KHSRP: variants seen among roughly 807,000 people sequenced by gnomAD.
The protein encoded by KHSRP is far upstream element-binding protein 2.
In KHSRP, 13 loss-of-function variants were observed where a neutral mutation model predicts 94.9. That is an observed-to-expected ratio of 0.14 (90% CI 0.09 to 0.22). The LOEUF (loss-of-function observed/expected upper bound fraction) is 0.22. KHSRP is among the 10% of genes least tolerant of loss of function. KHSRP has a pLI of 1.00. For missense variants in KHSRP, 710 were observed against 1,010.0 expected (o/e 0.70, Z 4.03); for synonymous variants, 495 against 401.4 (o/e 1.23, Z -2.79).
At chr19:6,419,907 C>T (rs1475978579) in intron 6 of KHSRP, among the ~76,000 whole-genome samples, 166 bp downstream of exon 6, 1 of 152,234 alleles carries the variant, frequency 6.6e-6, no homozygotes, top group Non-Finnish European at 1.5e-5. Context: ...GCCCCGTGGG[C>T]AGTACTAGTG....
chr19:6,415,168 C>T lies in KHSRP; in HGVS notation c.2100G>A (p.Pro700=), dbSNP rs377503940. ...GCTGCTGTCCCTGCTGCGTGGGCGGCGGCTGGGGGCCGCCAGGACCTGGGG... is the reference window on the plus strand; with the variant it reads ...GCTGCTGTCCCTGCTGCGTGGGCGGTGGCTGGGGGCCGCCAGGACCTGGGG... ...GQTPGPGGPQ[P]PPTQQGQQQA... Residue 700 remains proline, a synonymous_variant, in exon 19 of 19, where the codon CCG becomes CCA. Transcript: ENST00000600480. The T allele has an allele frequency of 6.7e-5, 107 of 1,607,186 alleles. No individual in the cohort carries two copies. The African/African-American group carries it at 8.8e-4, about 13-fold the overall frequency.
At position 6,422,368 on chromosome 19, in the gene KHSRP, C is replaced by G. The variant is rs1218639047; in HGVS notation, c.318G>C (p.Gly106=). ...VNNSTPDFGF[G]GQKRQLEDGD... ...CATCTTCCAACTGTCTCTTTTGGCC[C>G]CCAAAACCAAAATCAGGAGTGCTGT... The change falls in exon 2 of 19, where the codon GGG becomes GGC. Residue 106 remains glycine (G), a synonymous_variant. Transcript: ENST00000600480. 6.2e-7 allele frequency: 1 copy of G among 1,613,774 alleles called. No homozygotes were observed. Among genetic ancestry groups the G allele is most frequent in the South Asian group, 1.1e-5 (1 of 91,074 alleles).
chr19:6,416,833 C>T lies in KHSRP; in HGVS notation c.1232G>A (p.Arg411Gln), dbSNP rs1159276479. Residue 411 changes from arginine to glutamine, a missense_variant, in exon 13 of 19, where the codon CGA (arginine) becomes CAA (glutamine). Coordinates refer to ENST00000600480, the MANE Select transcript of KHSRP (RefSeq NM_001366299.1). Reference sequence around the variant, plus strand: ...ATTGCCTTGGCCTCTTCCTCGGCCTCGGCCCCCCGGGGGCATGCCTGGACC... The same window carrying T: ...ATTGCCTTGGCCTCTTCCTCGGCCTTGGCCCCCCGGGGGCATGCCTGGACC... ...PGGPGMPPGGRGRGRGQGNWG... is the reference protein window; with the variant it reads ...PGGPGMPPGGQGRGRGQGNWG... The T allele has an allele frequency of 3.1e-6, 5 of 1,588,910 alleles. No homozygotes were observed. Among genetic ancestry groups the T allele is most frequent in the African/African-American group, 1.4e-5 (1 of 73,740 alleles).
chr19:6,418,181 G>C lies in KHSRP; in HGVS notation c.880-102C>G, dbSNP rs1267628930. Reference sequence around the variant, plus strand: ...CCTCAACTAAGGACCCACGAACCCTGGGTGAGCCCAGCACAGCACCCTACT... The same window carrying C: ...CCTCAACTAAGGACCCACGAACCCTCGGTGAGCCCAGCACAGCACCCTACT... On this transcript the variant is annotated intron_variant, in intron 9 of 18. Transcript: ENST00000600480. This position sits in a 1 kb window ranked among gnomAD's most constrained non-coding sequence, Gnocchi z 4.3. 2 of 992,760 alleles carry C rather than the reference G, an allele frequency of 2.0e-6. No homozygotes were observed. The highest frequency in any genetic ancestry group is 2.0e-5 in the Admixed American group (1 of 50,278). The allele number at this position is 992,760 out of a possible 1,614,324, so 61.5% of individuals were successfully genotyped here.
rs2092139560 is a variant in KHSRP at position 6,415,720 on chromosome 19, C to T, written c.1702G>A (p.Ala568Thr). The T allele has an allele frequency of 6.5e-7, 1 of 1,549,912 alleles. No individual in the cohort carries two copies. Among genetic ancestry groups the T allele is most frequent in the East Asian group, 2.4e-5 (1 of 40,922 alleles). ...APHDPSKAAA[A>T]AADPNAAWAA... The stretch of plus-strand genomic sequence containing the variant: ...CACGCGGCGTTGGGGTCCGCGGCCG[C>T]TGCAGCTGCTTTGCCTGCAGGAGAT... The change falls in exon 17 of 19, where the codon GCG (alanine) becomes ACG (threonine). Residue 568 changes from alanine (A) to threonine (T), a missense_variant. By Grantham distance (58) the Ala-to-Thr change is moderately conservative. This residue lies in a region of KHSRP where 292 missense variants were observed against 340.5 expected (regional missense o/e 0.86). Transcript: ENST00000600480.
In KHSRP at chr19:6,424,390, C is replaced by T. The variant is rs1304266278; in HGVS notation, c.249+63G>A. On this transcript the variant is annotated intron_variant, in intron 1 of 18. Coordinates refer to ENST00000600480, the MANE Select transcript of KHSRP (RefSeq NM_001366299.1). The stretch of plus-strand genomic sequence containing the variant: ...CCTGCGCGCGCGCGCGCACGTGACC[C>T]CCGCCCCCTCCCCCGCCTGCGCGCG... 4 of 885,734 alleles carry T rather than the reference C, an allele frequency of 4.5e-6. No homozygotes were observed. In the African/African-American group the frequency reaches 5.5e-5, roughly 12 times the overall value. 54.9% of individuals were successfully genotyped at this position (885,734 alleles called of 1,614,324 possible). A position where few individuals can be genotyped will look rare whatever the true frequency, so the allele number is the denominator to read the frequency against.
intron 15 of KHSRP, among the ~76,000 whole-genome samples, 152 bp downstream of exon 15, chr19:6,416,146 G>C (rs1047781503): frequency 2.0e-5 from 3 of 152,232 alleles, no homozygotes; most frequent in Non-Finnish European, 4.4e-5. Flanking sequence ...TCTACCAGTA[G>C]ACAGGAGAGG....
At chr19:6,416,684 G>A (rs761309866) in intron 13 of KHSRP, 34 bp from the exon 14 acceptor site, 5 of 1,613,334 alleles carry the variant, frequency 3.1e-6, no homozygotes, top group African/African-American at 1.3e-5. Context: ...GTGGCCTGCA[G>A]TGATGGCCCA....
chr19:6,417,678 G>T (rs1041247148), intron 11 of KHSRP, 61 bp downstream of exon 11: 45 of 1,447,058 alleles, frequency 3.1e-5, no homozygotes, highest in Non-Finnish European at 4.0e-5. Context: ...CTCCCTCAGA[G>T]CCTGCCTCCC....
At position 6,415,527 on chromosome 19, in the gene KHSRP, G is replaced by C; in HGVS notation, c.1888+7C>G. On this transcript the variant is annotated splice_region_variant and intron_variant, in intron 17 of 18. Coordinates refer to ENST00000600480, the MANE Select transcript of KHSRP (RefSeq NM_001366299.1). ...GCTGGAGCCCCCCCGCCACCCTGCA[G>C]ACTCACCGATCTTTTTGTAATACTC... is the stretch of plus-strand genomic sequence containing the variant. 6.5e-7 allele frequency: 1 copy of C among 1,545,384 alleles called. No homozygotes were observed. Among genetic ancestry groups the C allele is most frequent in the Non-Finnish European group, 8.7e-7 (1 of 1,144,402 alleles).
At position 6,414,978 on chromosome 19, in the gene KHSRP, TG is replaced by T; in HGVS notation, c.*45del. On this transcript the variant is annotated 3_prime_UTR_variant, in exon 19 of 19. Transcript: ENST00000600480. ...CAGCGAATGCTTCCCTGGCGGTGCGTGGGGACTCCCGGAGACCTCCGGCCAC... is the reference window on the plus strand; with the variant it reads ...CAGCGAATGCTTCCCTGGCGGTGCGTGGGACTCCCGGAGACCTCCGGCCAC... 3 of 1,438,350 alleles carry T rather than the reference TG, an allele frequency of 2.1e-6. No homozygotes were observed. The highest frequency in any genetic ancestry group is 2.7e-6 in the Non-Finnish European group (3 of 1,101,994). The allele number at this position is 1,438,350 out of a possible 1,614,324, so 89.1% of individuals were successfully genotyped here. A position where few individuals can be genotyped will look rare whatever the true frequency, so the allele number is the denominator to read the frequency against.
intron 6 of KHSRP, among the ~76,000 whole-genome samples, chr19:6,419,807 C>T (rs560924799): frequency 5.9e-5 from 9 of 152,322 alleles, no homozygotes; most frequent in African/African-American, 1.9e-4. Context: ...CGTCGAAGCT[C>T]GGTGTCTGGA....
intron 4 of KHSRP, 71 bp downstream of exon 4, chr19:6,421,207 C>T (rs2092192958): frequency 7.0e-7 from 1 of 1,436,410 alleles, no homozygotes; most frequent in Non-Finnish European, 9.6e-7. Flanking sequence ...TCAGAGCCCT[C>T]CCAAGTCAGC....
At position 6,415,893 on chromosome 19, in the gene KHSRP, G is replaced by C. The variant is rs73565847; in HGVS notation, c.1602C>G (p.Ala534=). 3.3e-6 allele frequency: 5 copies of C among 1,514,048 alleles called. 1 individual carries two copies. The African/African-American group carries it at 4.1e-5, about 13-fold the overall frequency. 93.8% of individuals were successfully genotyped at this position (1,514,048 alleles called of 1,614,324 possible). ...NQGPPGAPPH[A]GGPPPHQYPP... ...GGTACTGGTGAGGAGGGGGCCCCCC[G>C]GCACTGCAGGAGAGAAGAAAGGGAT... The change falls in exon 16 of 19, where the codon GCC becomes GCG. Residue 534 remains alanine (A), a synonymous_variant. Coordinates refer to ENST00000600480, the MANE Select transcript of KHSRP (RefSeq NM_001366299.1).
At chr19:6,421,733 G>A (rs1439668297) in intron 2 of KHSRP, 45 bp from the exon 3 acceptor site, 27 of 1,610,984 alleles carry the variant, frequency 1.7e-5, no homozygotes, top group Non-Finnish European at 2.0e-5. Context: ...ACCCACCCAC[G>A]GCCGCCTCGA....
At chr19:6,421,383 C>A (rs1438016886) in intron 3 of KHSRP, 66 bp from the exon 4 acceptor site, 9 of 1,517,946 alleles carry the variant, frequency 5.9e-6, no homozygotes, top group Non-Finnish European at 8.1e-6. Flanking sequence ...CACTGCCTGC[C>A]CCGGGTCAGT....
At position 6,415,891 on chromosome 19, in the gene KHSRP, C is replaced by A; in HGVS notation, c.1604G>T (p.Gly535Val). The A allele has an allele frequency of 5.3e-6, 8 of 1,518,220 alleles. No individual in the cohort carries two copies. The highest frequency in any genetic ancestry group is 7.1e-6 in the Non-Finnish European group (8 of 1,132,352). 94.0% of individuals were successfully genotyped at this position (1,518,220 alleles called of 1,614,324 possible). The change falls in exon 16 of 19, where the codon GGG becomes GTG. Residue 535 changes from glycine (G) to valine (V), a missense_variant. Physicochemically the swap from Gly to Val is moderately radical, Grantham distance 109 (BLOSUM62 -3). This residue lies in a region of KHSRP where 292 missense variants were observed against 340.5 expected (regional missense o/e 0.86). Coordinates refer to ENST00000600480, the MANE Select transcript of KHSRP (RefSeq NM_001366299.1). ...QGPPGAPPHA[G>V]GPPPHQYPPQ... ...TGGGTACTGGTGAGGAGGGGGCCCC[C>A]CGGCACTGCAGGAGAGAAGAAAGGG...
chr19:6,417,173 A>C lies in KHSRP; in HGVS notation c.1082-86T>G, dbSNP rs547723260. 27 of 1,027,646 alleles carry C rather than the reference A, an allele frequency of 2.6e-5. No homozygotes were observed. In the South Asian group the frequency reaches 4.0e-4, roughly 15 times the overall value. The allele number at this position is 1,027,646 out of a possible 1,614,324, so 63.7% of individuals were successfully genotyped here. On this transcript the variant is annotated intron_variant, in intron 11 of 18. Coordinates refer to ENST00000600480, the MANE Select transcript of KHSRP (RefSeq NM_001366299.1). Reference sequence around the variant, plus strand: ...CTGCAACGCCGCCTCCAGCGCAGACACCACGCCGGCCTGAGATCTCAGACG... The same window carrying C: ...CTGCAACGCCGCCTCCAGCGCAGACCCCACGCCGGCCTGAGATCTCAGACG...
At chr19:6,415,782 C>T (rs1164858314) in intron 16 of KHSRP, 26 bp downstream of exon 16, 1 of 1,555,706 alleles carries the variant, frequency 6.4e-7, no homozygotes, top group Non-Finnish European at 8.7e-7. Context: ...CAGGGCCTGC[C>T]CTCCGCCAGG....
Sources: allele counts gnomAD v4.1 joint callset (sites outside exome capture counted in the v4.1 genomes callset), GRCh38; gene constraint gnomAD v4.1.1; regional missense constraint gnomAD v4.1.1; non-coding constraint Gnocchi (gnomAD v3.1); transcripts MANE v1.5; gene names NCBI Gene and HGNC (gene_info 2026-07-23, HGNC 2026-07-21).